VEZT: variants seen among roughly 807,000 people sequenced by gnomAD.
VEZT encodes vezatin.
In VEZT, 39 loss-of-function variants were observed where a neutral mutation model predicts 79.9. The ratio of observed to expected loss-of-function variants is 0.49; its 90% CI spans 0.38 to 0.64. The LOEUF is 0.64. Ranked by LOEUF, VEZT falls within the 30% of genes least tolerant of loss-of-function variation. The probability of loss-of-function intolerance (pLI) is 0.00; values close to 1 mark genes in which losing one functional copy is unlikely to be tolerated. For synonymous variants in VEZT, 325 were observed against 327.6 expected (o/e 0.99, Z 0.09); for missense variants, 837 against 893.1 (o/e 0.94, Z 0.80).
chr12:95,266,393 C>G lies in VEZT; in HGVS notation c.471C>G (p.Leu157=). 6.2e-7 allele frequency: 1 copy of G among 1,613,800 alleles called. No homozygotes were observed. Reference sequence around the variant, plus strand: ...TGCTATTTGCCTTCATTAGCTTGCTCGTTATGCTTCCCACTTGGTGGATTG... The same window carrying G: ...TGCTATTTGCCTTCATTAGCTTGCTGGTTATGCTTCCCACTTGGTGGATTG... ...LSMLFAFISL[L]VMLPTWWIVS... is the part of the protein sequence containing the mutation. Residue 157 remains leucine, a synonymous_variant, in exon 5 of 12, where the codon CTC becomes CTG. Transcript: ENST00000436874.
intron 9 of VEZT, among the ~76,000 whole-genome samples, chr12:95,292,234 T>C (rs939077496): frequency 2.0e-5 from 3 of 152,248 alleles, no homozygotes; most frequent in African/African-American, 7.2e-5. Context: ...ATTTACACCA[T>C]GGGAACTGGA....
intron 11 of VEZT, among the ~76,000 whole-genome samples, chr12:95,298,566 A>G (rs2074676994): frequency 6.6e-6 from 1 of 152,174 alleles, no homozygotes; most frequent in Non-Finnish European, 1.5e-5. Flanking sequence ...ACAAGTAGTT[A>G]TTAGGTACTT....
intron 1 of VEZT, among the ~76,000 whole-genome samples, chr12:95,230,084 A>C (rs947053919): frequency 6.7e-6 from 1 of 149,910 alleles, no homozygotes; most frequent in Non-Finnish European, 1.5e-5. Context: ...CAGCCTGGGC[A>C]ACAGAGAGAG....
chr12:95,293,150 A>C lies in VEZT; in HGVS notation c.1523-1122A>C, dbSNP rs188859399. Among the ~76,000 whole-genome samples the C allele has an allele frequency of 5.9e-4, 90 of 152,232 alleles. 1 individual carries two copies. In the East Asian group the frequency reaches 0.015, roughly 26 times the overall value. On this transcript the variant is annotated intron_variant, in intron 9 of 11. Transcript: ENST00000436874. ...CAGGCGTGAGCCACTGTGCCCAGCCAGTTAACTATAATTTAAACTAGAAAG... is the reference window on the plus strand; with the variant it reads ...CAGGCGTGAGCCACTGTGCCCAGCCCGTTAACTATAATTTAAACTAGAAAG...
At chr12:95,250,307 T>C (rs2062371209) in intron 1 of VEZT, among the ~76,000 whole-genome samples, 1 of 147,112 alleles carries the variant, frequency 6.8e-6, no homozygotes, top group Non-Finnish European at 1.5e-5. Flanking sequence ...TTTTTAATTT[T>C]TTTTTTTTTT....
At chr12:95,228,711 A>C (rs1156638354) in intron 1 of VEZT, among the ~76,000 whole-genome samples, 3 of 152,202 alleles carry the variant, frequency 2.0e-5, no homozygotes, top group Non-Finnish European at 4.4e-5. Flanking sequence ...TTGACCATTA[A>C]GACCAAGTCT....
At position 95,300,166 on chromosome 12, in the gene VEZT, C is replaced by A; in HGVS notation, c.1833C>A (p.Ala611=). 7.2e-7 allele frequency: 1 copy of A among 1,394,288 alleles called. No homozygotes were observed. Among genetic ancestry groups the A allele is most frequent in the Non-Finnish European group, 9.4e-7 (1 of 1,067,638 alleles). 86.4% of individuals were successfully genotyped at this position (1,394,288 alleles called of 1,614,324 possible). A position where few individuals can be genotyped will look rare whatever the true frequency, so the allele number is the denominator to read the frequency against. The change falls in exon 12 of 12, where the codon GCC becomes GCA. Residue 611 remains alanine, a splice_region_variant and synonymous_variant. Transcript: ENST00000436874. Reference sequence around the variant, plus strand: ...TTTTTTCTTTTTTTTTATTTGAAGCCGTGTTGAAATCCTTGTCTCCTGTAG... The same window carrying A: ...TTTTTTCTTTTTTTTTATTTGAAGCAGTGTTGAAATCCTTGTCTCCTGTAG... ...KWKQLLFSDH[A]VLKSLSPVDP... is the part of the protein sequence containing the mutation.
chr12:95,249,699 G>T (rs1439477199), intron 1 of VEZT, among the ~76,000 whole-genome samples: 2 of 152,004 alleles, frequency 1.3e-5, no homozygotes, highest in African/African-American at 2.4e-5. Context: ...TCTATCTTAG[G>T]TATCTCTCCT....
chr12:95,220,651 T>C (rs572748690), intron 1 of VEZT, among the ~76,000 whole-genome samples: 1 of 152,272 alleles, frequency 6.6e-6, no homozygotes, highest in South Asian at 2.1e-4. Flanking sequence ...CTTTTTTTTT[T>C]CCTCTCTGGC....
intron 1 of VEZT, among the ~76,000 whole-genome samples, chr12:95,233,762 T>G (rs1039830719): frequency 2.0e-5 from 3 of 152,196 alleles, no homozygotes; most frequent in Non-Finnish European, 4.4e-5. Context: ...TATATGTGTA[T>G]GTGTATATAT....
In VEZT at chr12:95,282,599, C is replaced by T. The variant is rs1420837745; in HGVS notation, c.1283C>T (p.Thr428Ile). ...QKSRELNNVH[T>I]AVRSLQLHLK... The stretch of plus-strand genomic sequence containing the variant: ...TCAAGAGAACTGAATAATGTTCACA[C>T]AGCAGTGCGTAGCTTGCAGCTCCAT... The change falls in exon 8 of 12, where the codon ACA becomes ATA. Residue 428 changes from threonine (T) to isoleucine (I), a missense_variant. Physicochemically the swap from Thr to Ile is moderately conservative, Grantham distance 89. Coordinates refer to ENST00000436874, the MANE Select transcript of VEZT (RefSeq NM_017599.4). 2 of 1,613,316 alleles carry T rather than the reference C, an allele frequency of 1.2e-6. No individual in the cohort carries two copies. The highest frequency in any genetic ancestry group is 1.7e-6 in the Non-Finnish European group (2 of 1,179,502).
intron 1 of VEZT, among the ~76,000 whole-genome samples, chr12:95,220,103 G>A (rs548783089): frequency 6.6e-5 from 10 of 152,304 alleles, no homozygotes; most frequent in African/African-American, 2.4e-4. Flanking sequence ...GATCACAAGT[G>A]TGTGGATGGT....
In VEZT at chr12:95,302,294, G is replaced by C. The variant is rs1460138975; in HGVS notation, c.*1621G>C. The C allele has an allele frequency of 6.6e-6, 1 of 152,080 alleles. No homozygotes were observed. Among genetic ancestry groups the C allele is most frequent in the Non-Finnish European group, 1.5e-5 (1 of 67,992 alleles). 9.4% of individuals were successfully genotyped at this position (152,080 alleles called of 1,614,324 possible). On this transcript the variant is annotated 3_prime_UTR_variant, in exon 12 of 12. Transcript: ENST00000436874. Reference sequence around the variant, plus strand: ...ATAATTTTTAATTCTTTTATTGTATGTTACTTTTATTACACCAGTTTGGGG... The same window carrying C: ...ATAATTTTTAATTCTTTTATTGTATCTTACTTTTATTACACCAGTTTGGGG...
intron 7 of VEZT, among the ~76,000 whole-genome samples, chr12:95,281,121 A>G (rs1464645116): frequency 6.6e-6 from 1 of 152,160 alleles, no homozygotes. Context: ...CTCTTGTTTC[A>G]TACTACATTG....
At chr12:95,289,778 T>G (rs2072226396) in intron 9 of VEZT, among the ~76,000 whole-genome samples, 2 of 152,348 alleles carry the variant, frequency 1.3e-5, no homozygotes, top group South Asian at 4.1e-4. Flanking sequence ...AAAAAGGTCT[T>G]ATTTTGAAAT....
intron 2 of VEZT, among the ~76,000 whole-genome samples, chr12:95,256,289 G>A (rs2063478281): frequency 6.6e-6 from 1 of 152,130 alleles, no homozygotes; most frequent in Non-Finnish European, 1.5e-5. Context: ...GACCTCAGGT[G>A]CTCCGCCCTC....
In VEZT at chr12:95,270,156, A is replaced by G. The variant is rs1418504043; in HGVS notation, c.816A>G (p.Ala272=). Residue 272 remains alanine, a synonymous_variant, in exon 6 of 12, where the codon GCA becomes GCG. Coordinates refer to ENST00000436874, the MANE Select transcript of VEZT (RefSeq NM_017599.4). The part of the protein sequence containing the change: ...VYRTLRANFQ[A]ARLATLYMLK... ...GAACTCTAAGAGCCAACTTCCAAGC[A>G]GCAAGGCTAGCTACCCTATATATGC... The G allele has an allele frequency of 6.2e-7, 1 of 1,610,406 alleles. No individual in the cohort carries two copies. The highest frequency in any genetic ancestry group is 1.7e-5 in the Admixed American group (1 of 59,406).
chr12:95,292,106 T>C (rs990146825), intron 9 of VEZT, among the ~76,000 whole-genome samples: 2 of 152,202 alleles, frequency 1.3e-5, no homozygotes, highest in Admixed American at 1.3e-4. Context: ...GGCCTCTTGC[T>C]AGATTTTTGT....
chr12:95,221,794 G>A (rs1417692437), intron 1 of VEZT, among the ~76,000 whole-genome samples: 1 of 152,000 alleles, frequency 6.6e-6, no homozygotes, highest in Non-Finnish European at 1.5e-5. Context: ...GCTGCAGTGA[G>A]CTACAATTCC....
Sources: allele counts gnomAD v4.1 joint callset (sites outside exome capture counted in the v4.1 genomes callset), GRCh38; gene constraint gnomAD v4.1.1; transcripts MANE v1.5; gene names NCBI Gene and HGNC (gene_info 2026-07-23, HGNC 2026-07-21).